Variants in RSPO1 observed in about 807,000 individuals in gnomAD.
RSPO1 encodes R-spondin 1, also known as R-spondin-1.
RSPO1 carries 18 observed loss-of-function variants against 26.0 expected under a neutral mutation model. The observed-to-expected ratio is 0.69, with a 90% CI of 0.48 to 1.03. The LOEUF is 1.03. RSPO1 is among the 50% of genes least tolerant of loss of function. RSPO1 has a pLI of 0.00. For synonymous variants in RSPO1, 133 were observed against 137.4 expected (o/e 0.97, Z 0.22); for missense variants, 309 against 352.3 (o/e 0.88, Z 0.98).
At chr1:37,616,187 G>A (rs1221381040) in intron 4 of RSPO1, among the ~76,000 whole-genome samples, 1 of 152,160 alleles carries the variant, frequency 6.6e-6, no homozygotes, top group African/African-American at 2.4e-5. Context: ...AGGCTTTGGT[G>A]ATTGGATGGA....
chr1:37,631,030 T>C (rs1056692806), intron 2 of RSPO1, among the ~76,000 whole-genome samples: 2 of 150,536 alleles, frequency 1.3e-5, no homozygotes, highest in African/African-American at 4.9e-5. Flanking sequence ...AGTCAGAGAG[T>C]TCAGGCTCAG....
rs1445196347 is a variant in RSPO1 at position 37,612,567 on chromosome 1, A to G, written c.*188T>C. ...TGTCTGCGTGTGTACATGAACACAC[A>G]TGTGCAAGTATGTATGGTTGTATAT... On this transcript the variant is annotated 3_prime_UTR_variant, in exon 7 of 7. Coordinates refer to ENST00000356545, the MANE Select transcript of RSPO1 (RefSeq NM_001242908.2). The G allele has an allele frequency of 3.0e-6, 2 of 671,648 alleles. No homozygotes were observed. Among genetic ancestry groups the G allele is most frequent in the African/African-American group, 1.8e-5 (1 of 56,638 alleles). The allele number at this position is 671,648 out of a possible 1,614,324, so 41.6% of individuals were successfully genotyped here.
intron 3 of RSPO1, among the ~76,000 whole-genome samples, chr1:37,618,282 A>T (rs766621556): frequency 5.3e-5 from 8 of 152,214 alleles, no homozygotes; most frequent in Non-Finnish European, 1.0e-4. Context: ...TGGGTCAAAC[A>T]AATCTAAACA....
chr1:37,630,326 CTCTCT>C (rs1272880838), intron 2 of RSPO1, among the ~76,000 whole-genome samples: 1 of 47,110 alleles, frequency 2.1e-5, no homozygotes, highest in Admixed American at 3.4e-4. Flanking sequence ...TGAAGAGGAG[CTCTCT>C]CTCTCTCTCT....
rs767125350 is a variant in RSPO1 at position 37,629,616 on chromosome 1, G to A, written c.46C>T (p.His16Tyr). 8.7e-6 allele frequency: 14 copies of A among 1,613,936 alleles called. No individual in the cohort carries two copies. Among genetic ancestry groups the A allele is most frequent in the Middle Eastern group, 1.6e-4 (1 of 6,084 alleles). ...ATCCCCCGGCTGCTGATGGTGAGGT[G>A]CGTCCAGCTCAGAACCAGGGCCACC... ...CVVALVLSWT[H>Y]LTISSRGIKG... Residue 16 changes from histidine (H) to tyrosine (Y), a missense_variant, in exon 3 of 7, where the codon CAC becomes TAC. Transcript: ENST00000356545.
At chr1:37,624,585 C>G (rs140789299) in intron 3 of RSPO1, among the ~76,000 whole-genome samples, 1 of 152,024 alleles carries the variant, frequency 6.6e-6, no homozygotes, top group African/African-American at 2.4e-5. Flanking sequence ...CTTCATCCTA[C>G]GCAAAGCCCT....
chr1:37,634,189 A>G lies in RSPO1; in HGVS notation c.-356+377T>C, dbSNP rs1287900774. On this transcript the variant is annotated intron_variant, in intron 1 of 6. Transcript: ENST00000356545. This position sits in a 1 kb window ranked among gnomAD's most constrained non-coding sequence, Gnocchi z 4.7. ...GGTGGGGGTCACCAGAGACCGTGGG[A>G]CTTGGGGGAATCCGAGCCAATGAGC... Among the ~76,000 whole-genome samples, 3 of 152,102 alleles carry G rather than the reference A, an allele frequency of 2.0e-5. No homozygotes were observed. Among genetic ancestry groups the G allele is most frequent in the Non-Finnish European group, 4.4e-5 (3 of 68,002 alleles).
chr1:37,618,840 A>T (rs72659424), intron 3 of RSPO1, among the ~76,000 whole-genome samples: 6,227 of 152,088 alleles, frequency 0.041, 177 homozygotes, highest in Non-Finnish European at 0.063. Context: ...TTGAGTGGAG[A>T]TGGGAATGGG....
chr1:37,624,466 C>A (rs1644248431), intron 3 of RSPO1, among the ~76,000 whole-genome samples: 2 of 151,812 alleles, frequency 1.3e-5, no homozygotes, highest in Non-Finnish European at 2.9e-5. Flanking sequence ...CACAAACCAC[C>A]ATCCCCCCCA....
intron 4 of RSPO1, among the ~76,000 whole-genome samples, chr1:37,614,614 GC>G (rs1207925528): frequency 2.6e-5 from 4 of 152,338 alleles, no homozygotes; most frequent in Non-Finnish European, 5.9e-5. Flanking sequence ...AGTCCCTGCA[GC>G]CCAAGGTGAG....
In RSPO1 at chr1:37,620,686, A is replaced by G. The variant is rs529463532; in HGVS notation, c.95-4011T>C. ...TATGATAAAAATAAAAATCACGATC[A>G]TTCTTATTGGTATAATCATTGTATG... On this transcript the variant is annotated intron_variant, in intron 3 of 6. Transcript: ENST00000356545. 3.8e-3 allele frequency among the ~76,000 whole-genome samples: 576 copies of G among 151,684 alleles called. 2 individuals are homozygous for G. The highest frequency in any genetic ancestry group is 0.013 in the African/African-American group (543 of 41,346).
At chr1:37,630,519 C>T (rs2148185699) in intron 2 of RSPO1, among the ~76,000 whole-genome samples, 1 of 152,370 alleles carries the variant, frequency 6.6e-6, no homozygotes, top group East Asian at 1.9e-4. Flanking sequence ...AACTCTGACA[C>T]AGCAGGCCCG....
chr1:37,626,092 T>C (rs1056551628), intron 3 of RSPO1, among the ~76,000 whole-genome samples: 2 of 152,142 alleles, frequency 1.3e-5, no homozygotes, highest in African/African-American at 4.8e-5. Flanking sequence ...GCAGCTGGGC[T>C]CTGGGCTCCT....
intron 3 of RSPO1, 98 bp from the exon 4 acceptor site, chr1:37,616,773 T>A: frequency 2.6e-6 from 3 of 1,153,716 alleles, no homozygotes; most frequent in Non-Finnish European, 3.9e-6. Context: ...GATGTTTCCT[T>A]CCACAGAAGG....
intron 4 of RSPO1, among the ~76,000 whole-genome samples, chr1:37,615,672 T>G (rs1277073527): frequency 6.6e-6 from 1 of 152,248 alleles, no homozygotes; most frequent in Non-Finnish European, 1.5e-5. Flanking sequence ...GTGGGGGCAC[T>G]GGCATTGTCC....
intron 3 of RSPO1, among the ~76,000 whole-genome samples, chr1:37,624,252 C>A (rs922039823): frequency 3.3e-5 from 5 of 152,134 alleles, no homozygotes; most frequent in Non-Finnish European, 7.4e-5. Flanking sequence ...GAGATCAAGA[C>A]CCTCTCTCTA....
chr1:37,613,188 C>T lies in RSPO1; in HGVS notation c.626-267G>A, dbSNP rs1644052644. ...GCACACAAGACATCATCCTCTTCCT[C>T]ATGGATTCCTCAGACCTTGGATCCC... On this transcript the variant is annotated intron_variant, in intron 6 of 6. Coordinates refer to ENST00000356545, the MANE Select transcript of RSPO1 (RefSeq NM_001242908.2). The surrounding 1 kb of genome is among the most constrained non-coding windows in gnomAD (Gnocchi z 4.5). Among the ~76,000 whole-genome samples, 1 of 152,238 alleles carries T rather than the reference C, an allele frequency of 6.6e-6. No individual in the cohort carries two copies. Among genetic ancestry groups the T allele is most frequent in the African/African-American group, 2.4e-5 (1 of 41,466 alleles).
At chr1:37,622,634 T>A (rs1644219552) in intron 3 of RSPO1, among the ~76,000 whole-genome samples, 1 of 152,068 alleles carries the variant, frequency 6.6e-6, no homozygotes, top group Non-Finnish European at 1.5e-5. Context: ...TGGAGAAGGA[T>A]CCTTGGATAG....
intron 1 of RSPO1, among the ~76,000 whole-genome samples, chr1:37,632,934 A>G (rs1644380762): frequency 6.6e-6 from 1 of 152,216 alleles, no homozygotes; most frequent in South Asian, 2.1e-4. Context: ...GCCATGGGCT[A>G]TATGGCACTG....
Sources: allele counts gnomAD v4.1 joint callset (sites outside exome capture counted in the v4.1 genomes callset), GRCh38; gene constraint gnomAD v4.1.1; non-coding constraint Gnocchi (gnomAD v3.1); transcripts MANE v1.5; gene names NCBI Gene and HGNC (gene_info 2026-07-23, HGNC 2026-07-21).